Variants in DENND2B observed in about 807,000 individuals in gnomAD.
The protein encoded by DENND2B is DENN domain containing 2B.
Under a neutral mutation model 116.0 loss-of-function variants are expected in DENND2B, and 32 were observed. That is an observed-to-expected ratio of 0.28 (90% CI 0.21 to 0.37). The LOEUF is 0.37. DENND2B is among the 10% of genes least tolerant of loss of function. The pLI, the probability that DENND2B is intolerant of heterozygous loss-of-function variation, is 1.00. For missense variants in DENND2B, 1,276 were observed against 1,477.7 expected (o/e 0.86, Z 2.24); for synonymous variants, 588 against 583.9 (o/e 1.01, Z -0.10).
chr11:8,712,572 T>G lies in DENND2B; in HGVS notation c.2151A>C (p.Glu717Asp). Residue 717 changes from glutamate (E) to aspartate (D), a missense_variant, in exon 9 of 20, where the codon GAA (glutamate) becomes GAC (aspartate). Glu to Asp is a conservative substitution (Grantham distance 45, BLOSUM62 2). Coordinates refer to ENST00000313726, the MANE Select transcript of DENND2B (RefSeq NM_213618.2). The surrounding 1 kb of genome is among the most constrained non-coding windows in gnomAD (Gnocchi z 4.4). The part of the protein sequence containing the change: ...KKPSRNTYLP[E>D]VSYQFPKLDR... ...TCACCTTGGGAAACTGGTAGGAGAC[T>G]TCGGGGAGGTAGGTGTTTCGCGATG... 1 of 1,553,758 alleles carries G rather than the reference T, an allele frequency of 6.4e-7. No individual in the cohort carries two copies. The highest frequency in any genetic ancestry group is 8.7e-7 in the Non-Finnish European group (1 of 1,147,940).
intron 2 of DENND2B, 47 bp from the exon 3 acceptor site, chr11:8,731,256 G>A: frequency 1.4e-6 from 2 of 1,440,974 alleles, no homozygotes; most frequent in Non-Finnish European, 1.8e-6. Context: ...ATGGCAGTGA[G>A]TGGCTGACCA....
At position 8,789,964 on chromosome 11, in the gene DENND2B, G is replaced by A. The variant is rs138846330; in HGVS notation, c.-26+20553C>T. On this transcript the variant is annotated intron_variant, in intron 1 of 19. Transcript: ENST00000313726. ...CACTATGTTTTGGGGTGGTCTGGTA[G>A]GCAGGACACTGGTAAATCCAGCCTT... is the stretch of plus-strand genomic sequence containing the variant. Among the ~76,000 whole-genome samples the A allele has an allele frequency of 2.4e-3, 363 of 152,234 alleles. 4 individuals carry two copies. Among genetic ancestry groups the A allele is most frequent in the African/African-American group, 8.3e-3 (344 of 41,526 alleles).
chr11:8,718,373 A>G (rs1415180773), intron 4 of DENND2B: 51 of 1,535,220 alleles, frequency 3.3e-5, no homozygotes, highest in Non-Finnish European at 4.2e-5. Context: ...GAGGGTGGGC[A>G]TGGAGGAACT....
At chr11:8,871,459 A>G (rs573988090), upstream of DENND2B, 3 of 152,336 alleles carry the variant, frequency 2.0e-5, no homozygotes, top group African/African-American at 4.8e-5. Context: ...TCACTGGAGG[A>G]AAAAAGCGGC....
intron 2 of DENND2B, among the ~76,000 whole-genome samples, chr11:8,857,650 C>T (rs945006464): frequency 6.6e-6 from 1 of 152,198 alleles, no homozygotes; most frequent in Non-Finnish European, 1.5e-5. Context: ...GGCCTTTGCT[C>T]ATGCTGCCCC....
chr11:8,867,412 A>G (rs917332010), intron 2 of DENND2B, among the ~76,000 whole-genome samples: 1 of 152,058 alleles, frequency 6.6e-6, no homozygotes, highest in Non-Finnish European at 1.5e-5. Context: ...TGGCTTTCCT[A>G]TCCCTTCTAA....
chr11:8,736,116 G>A (rs1350648750), intron 2 of DENND2B, among the ~76,000 whole-genome samples: 2 of 152,178 alleles, frequency 1.3e-5, no homozygotes, highest in Admixed American at 1.3e-4. Flanking sequence ...AGCCTTCTCT[G>A]CATCTGAACG....
At chr11:8,694,653 T>C in intron 19 of DENND2B, 1 of 456,272 alleles carries the variant, frequency 2.2e-6, no homozygotes, top group East Asian at 6.9e-5. Flanking sequence ...TGTTTATAGA[T>C]TCAACCAACT....
chr11:8,693,906 G>A lies in DENND2B; in HGVS notation c.*190C>T, dbSNP rs938944695. 63 of 552,964 alleles carry A rather than the reference G, an allele frequency of 1.1e-4. 1 individual carries two copies. Among genetic ancestry groups the A allele is most frequent in the Admixed American group, 1.7e-4 (5 of 28,962 alleles). The allele number at this position is 552,964 out of a possible 1,614,324, so 34.3% of individuals were successfully genotyped here. On this transcript the variant is annotated 3_prime_UTR_variant, in exon 20 of 20. Transcript: ENST00000313726. ...TTCTCTTTGCTTGTTACAAAAAACA[G>A]TTAAGAAAGCTTACAGCAGATTATT...
At chr11:8,769,373 G>A (rs1337175686) in intron 1 of DENND2B, among the ~76,000 whole-genome samples, 1 of 151,828 alleles carries the variant, frequency 6.6e-6, no homozygotes, top group African/African-American at 2.4e-5. Context: ...GAGTAGCTGG[G>A]ATGACAGGCT....
At position 8,696,510 on chromosome 11, in the gene DENND2B, C is replaced by T. The variant is rs772248609; in HGVS notation, c.3209G>A (p.Arg1070His). Residue 1070 changes from arginine to histidine, a missense_variant, in exon 18 of 20, where the codon CGC becomes CAC. Around this residue, in one of 2 missense-constraint regions of DENND2B, gnomAD observed 420 missense variants for 631.1 expected, o/e 0.67. Coordinates refer to ENST00000313726, the MANE Select transcript of DENND2B (RefSeq NM_213618.2). ...CTCCATAAAAACCTCAAGAAAGCGG[C>T]GGATGCTTTTGGAGGCCACAGATTT... The part of the protein sequence containing the change: ...FRKSVASKSI[R>H]RFLEVFMESQ... 2.5e-6 allele frequency: 4 copies of T among 1,614,054 alleles called. No individual in the cohort carries two copies. The Admixed American group carries it at 5.0e-5, about 20-fold the overall frequency.
intron 3 of DENND2B, among the ~76,000 whole-genome samples, chr11:8,727,958 TACACAAACAC>T (rs1465717314): frequency 3.4e-5 from 4 of 117,980 alleles, no homozygotes; most frequent in Non-Finnish European, 5.4e-5. Context: ...GCTTGCATTT[TACACAAACAC>T]ACACACACAC....
intron 1 of DENND2B, among the ~76,000 whole-genome samples, chr11:8,776,928 G>T (rs1486805283): frequency 3.9e-5 from 6 of 152,116 alleles, no homozygotes; most frequent in African/African-American, 1.4e-4. Context: ...GGTCACATGG[G>T]AGCCAACCCT....
chr11:8,905,603 A>G (rs1407346594), intron 1 of DENND2B, among the ~76,000 whole-genome samples: 4 of 152,200 alleles, frequency 2.6e-5, no homozygotes, highest in African/African-American at 7.2e-5. Context: ...CACCACTAAG[A>G]AAATGAAATA....
chr11:8,868,033 C>T (rs754024458), intron 2 of DENND2B, among the ~76,000 whole-genome samples: 5 of 152,076 alleles, frequency 3.3e-5, no homozygotes, highest in Admixed American at 6.6e-5. Flanking sequence ...CAAAGCATTG[C>T]GAAACATGGG....
upstream of DENND2B, chr11:8,811,621 T>C: frequency 3.1e-6 from 1 of 325,896 alleles, no homozygotes; most frequent in Non-Finnish European, 5.5e-6. Flanking sequence ...CCAGCATACA[T>C]TTCTGCTTTG....
Position 8,785,337 on chromosome 11 carries a change from G to A in DENND2B, c.-26+25180C>T, listed in dbSNP as rs544835264. On this transcript the variant is annotated intron_variant, in intron 1 of 19. Transcript: ENST00000313726. ...TTTCCTGTTTTCTGGGATCACTGCT[G>A]CGAAGAGGAAAAGTCACCAGAGGAT... 13 of 152,294 alleles carry A rather than the reference G, an allele frequency of 8.5e-5. No homozygotes were observed. The East Asian group carries it at 1.9e-3, about 23-fold the overall frequency. The allele number at this position is 152,294 out of a possible 1,614,324, so 9.4% of individuals were successfully genotyped here.
intron 19 of DENND2B, 42 bp downstream of exon 19, chr11:8,695,421 T>G: frequency 3.8e-6 from 6 of 1,577,170 alleles, no homozygotes; most frequent in Non-Finnish European, 5.2e-6. Context: ...AGCCCCTTCC[T>G]TCTTGCTGAA....
intron 1 of DENND2B, among the ~76,000 whole-genome samples, chr11:8,807,037 C>A (rs1164118032): frequency 6.6e-6 from 1 of 152,118 alleles, no homozygotes; most frequent in Non-Finnish European, 1.5e-5. Context: ...TCGCAGCCTG[C>A]CCTAAACACA....
Sources: gnomAD v4.1 joint callset for allele counts (sites outside exome capture counted in the v4.1 genomes callset) on GRCh38, gnomAD v4.1.1 for gene constraint, gnomAD v4.1.1 regional missense constraint, Gnocchi (gnomAD v3.1) non-coding constraint, MANE v1.5 for transcripts, NCBI Gene and HGNC (gene_info 2026-07-23, HGNC 2026-07-21) for gene names.